Variants in BBOF1 observed in about 807,000 individuals in gnomAD.
The protein encoded by BBOF1 is basal body-orientation factor 1.
In BBOF1, 62 loss-of-function variants were observed where a neutral mutation model predicts 68.0. The observed-to-expected ratio is 0.91, with a 90% CI of 0.74 to 1.13. BBOF1 has a LOEUF of 1.13. Ranked by LOEUF, BBOF1 falls within the 50% of genes most tolerant of loss-of-function variation. The pLI, the probability that BBOF1 is intolerant of heterozygous loss-of-function variation, is 0.00. For synonymous variants in BBOF1, 208 were observed against 198.8 expected, an observed-to-expected ratio of 1.05 and a Z score of -0.39; for missense variants, 534 against 600.1, an observed-to-expected ratio of 0.89 and a Z score of 1.15.
chr14:74,067,004 C>T, downstream of BBOF1: 1 of 948,664 alleles, frequency 1.1e-6, no homozygotes, highest in Non-Finnish European at 1.7e-6. Context: ...CTGCTTGAGC[C>T]CAGGAGTTCC....
At chr14:74,041,099 T>C (rs1375643644) in intron 5 of BBOF1, among the ~76,000 whole-genome samples, 1 of 152,014 alleles carries the variant, frequency 6.6e-6, no homozygotes, top group African/African-American at 2.4e-5. Flanking sequence ...AGGTGGATCG[T>C]CTCAGGTCAG....
At chr14:74,061,643 T>C (rs540868431) in intron 11 of BBOF1, among the ~76,000 whole-genome samples, 29 of 152,274 alleles carry the variant, frequency 1.9e-4, no homozygotes, top group East Asian at 1.2e-3. Context: ...CTGATAATTA[T>C]CAGAGATCAT....
chr14:74,071,344 C>G, intron 9 of BBOF1: 3 of 1,614,082 alleles, frequency 1.9e-6, no homozygotes, highest in Non-Finnish European at 2.5e-6. Flanking sequence ...GGGAAACATC[C>G]AAAGGGGGAT....
At chr14:74,037,274 CTTTTTTTTTT>C (rs892262272) in intron 4 of BBOF1, among the ~76,000 whole-genome samples, 2,743 of 66,018 alleles carry the variant, frequency 0.042, 98 homozygotes, top group African/African-American at 0.14. Context: ...CGCCTGGCCT[CTTTTTTTTTT>C]TTTTTTTTTT....
downstream of BBOF1, among the ~76,000 whole-genome samples, chr14:74,070,283 C>T (rs2060530560): frequency 6.6e-6 from 1 of 152,044 alleles, no homozygotes; most frequent in South Asian, 2.1e-4. Context: ...CTTTGGGAGG[C>T]CGAGGCGGGT....
intron 6 of BBOF1, 71 bp downstream of exon 6, chr14:74,046,201 A>G (rs1332734542): frequency 7.4e-7 from 1 of 1,354,936 alleles, no homozygotes; most frequent in Non-Finnish European, 1.0e-6. Flanking sequence ...TTTTCTTCTT[A>G]CTTTCTTGTC....
Position 74,065,306 on chromosome 14 carries a change from C to T in BBOF1, c.*607C>T. ...ATGGCTTCATCCAATGTTTCTGTCT[C>T]CAGAACCACAAGAACTGGACCAAAA... On this transcript the variant is annotated 3_prime_UTR_variant, in exon 12 of 12. Coordinates refer to ENST00000394009, the MANE Select transcript of BBOF1 (RefSeq NM_025057.3). 6.2e-7 allele frequency: 1 copy of T among 1,614,022 alleles called. No homozygotes were observed. Among genetic ancestry groups the T allele is most frequent in the Non-Finnish European group, 8.5e-7 (1 of 1,180,004 alleles).
chr14:74,025,717 G>GTGTCAACAACCA (rs2059408207), intron 2 of BBOF1, among the ~76,000 whole-genome samples: 1 of 152,094 alleles, frequency 6.6e-6, no homozygotes, highest in Non-Finnish European at 1.5e-5. Flanking sequence ...TATCTCACTT[G>GTGTCAACAACCA]TGTCAACAAC....
intron 2 of BBOF1, among the ~76,000 whole-genome samples, chr14:74,025,031 G>GT (rs2059394359): frequency 6.6e-6 from 1 of 152,082 alleles, no homozygotes; most frequent in Non-Finnish European, 1.5e-5. Context: ...CCCTCCCAAA[G>GT]TGTTGGGATT....
intron 2 of BBOF1, among the ~76,000 whole-genome samples, chr14:74,028,178 G>A (rs1212453692): frequency 6.6e-6 from 1 of 152,028 alleles, no homozygotes; most frequent in Admixed American, 6.5e-5. Context: ...GACCAGCCTG[G>A]CCAACATGGT....
At chr14:74,082,217 A>G (rs1595136502) in intron 12 of BBOF1, among the ~76,000 whole-genome samples, 1 of 152,242 alleles carries the variant, frequency 6.6e-6, no homozygotes, top group South Asian at 2.1e-4. Context: ...ACATTCCTTT[A>G]TCTCTGCATG....
rs1385254986 is a variant in BBOF1, at chr14:74,065,535, C to T, written c.*836C>T. On this transcript the variant is annotated 3_prime_UTR_variant, in exon 12 of 12. Coordinates refer to ENST00000394009, the MANE Select transcript of BBOF1 (RefSeq NM_025057.3). The stretch of plus-strand genomic sequence containing the variant: ...AAAAAGTCCTCTCTCAAGTGTATTC[C>T]GTCTTCCAAGTTACCAATCATATAA... The T allele has an allele frequency of 1.1e-5, 7 of 639,882 alleles. No homozygotes were observed. Among genetic ancestry groups the T allele is most frequent in the South Asian group, 1.9e-5 (1 of 52,906 alleles). 39.6% of individuals were successfully genotyped at this position (639,882 alleles called of 1,614,324 possible). A position where few individuals can be genotyped will look rare whatever the true frequency, so the allele number is the denominator to read the frequency against.
chr14:74,028,711 A>AT (rs879793491), intron 2 of BBOF1, among the ~76,000 whole-genome samples: 321 of 133,292 alleles, frequency 2.4e-3, no homozygotes, highest in Middle Eastern at 7.9e-3. Context: ...CTCCATCTCT[A>AT]TTTTTTTTTT....
chr14:74,036,557 G>A (rs1285853613), intron 4 of BBOF1, among the ~76,000 whole-genome samples: 1 of 151,890 alleles, frequency 6.6e-6, no homozygotes, highest in Non-Finnish European at 1.5e-5. Context: ...GGTGGCATGT[G>A]CCTGTAGTCC....
At chr14:74,055,528 AAG>A (rs1183447986) in intron 8 of BBOF1, 54 bp from the exon 9 acceptor site, 1 of 1,079,466 alleles carries the variant, frequency 9.3e-7, no homozygotes, top group Admixed American at 1.9e-5. Context: ...AAAAGAAGAG[AAG>A]CCTATTTGAC....
intron 9 of BBOF1, among the ~76,000 whole-genome samples, chr14:74,074,288 ATTT>A (rs35478388): frequency 7.7e-6 from 1 of 130,200 alleles, no homozygotes; most frequent in Non-Finnish European, 1.6e-5. Context: ...CTTTCACTAA[ATTT>A]TTTTTTTTTT....
chr14:74,043,550 C>T (rs2059878415), intron 5 of BBOF1, among the ~76,000 whole-genome samples: 1 of 120,026 alleles, frequency 8.3e-6, no homozygotes, highest in Non-Finnish European at 1.7e-5. Flanking sequence ...GAGCGAGACT[C>T]CGTCTCAAAA....
At chr14:74,045,953 C>A in intron 5 of BBOF1, 107 bp from the exon 6 acceptor site, 1 of 933,096 alleles carries the variant, frequency 1.1e-6, no homozygotes, top group Non-Finnish European at 1.6e-6. Flanking sequence ...TCTTTCAGGT[C>A]ATGGGGACAG....
At chr14:74,058,556 A>G (rs1052514746) in intron 11 of BBOF1, 4 of 151,706 alleles carry the variant, frequency 2.6e-5, no homozygotes, top group African/African-American at 9.7e-5. Flanking sequence ...GGTGGTAGTA[A>G]TAAGCCTCAA....
Sources: gnomAD v4.1 joint callset for allele counts (sites outside exome capture counted in the v4.1 genomes callset) on GRCh38, gnomAD v4.1.1 for gene constraint, MANE v1.5 for transcripts, NCBI Gene and HGNC (gene_info 2026-07-23, HGNC 2026-07-21) for gene names.